PITPNC1: variants seen among roughly 807,000 people sequenced by gnomAD.
PITPNC1 encodes the protein cytoplasmic phosphatidylinositol transfer protein 1.
In PITPNC1, 18 loss-of-function variants were observed where a neutral mutation model predicts 44.7. The observed-to-expected ratio is 0.40, with a 90% confidence interval of 0.28 to 0.60. The LOEUF is 0.60. Ranked by LOEUF, PITPNC1 falls within the 20% of genes least tolerant of loss-of-function variation. PITPNC1 has a pLI of 0.39. For missense variants in PITPNC1, 290 were observed against 418.4 expected, an observed-to-expected ratio of 0.69 and a Z score of 2.68; for synonymous variants, 141 against 149.6, an observed-to-expected ratio of 0.94 and a Z score of 0.42.
At chr17:67,442,308 GA>G (rs1292310003) in intron 1 of PITPNC1, among the ~76,000 whole-genome samples, 16 of 135,114 alleles carry the variant, frequency 1.2e-4, no homozygotes, top group South Asian at 4.7e-4. Flanking sequence ...GCTCTACAAT[GA>G]AAAAAAAAGT....
At chr17:67,551,984 G>A (rs1263254507) in intron 2 of PITPNC1, among the ~76,000 whole-genome samples, 1 of 152,220 alleles carries the variant, frequency 6.6e-6, no homozygotes, top group African/African-American at 2.4e-5. Flanking sequence ...GAATTCTCAT[G>A]TCTTTGCAAA....
Position 67,632,184 on chromosome 17 carries a change from C to A in PITPNC1, c.408C>A (p.Cys136Ter). 1 of 1,613,232 alleles carries A rather than the reference C, an allele frequency of 6.2e-7. No individual in the cohort carries two copies. Among genetic ancestry groups the A allele is most frequent in the Non-Finnish European group, 8.5e-7 (1 of 1,179,292 alleles). The change falls in exon 6 of 9, where the codon TGC (cysteine) becomes TGA (stop). Residue 136 changes from cysteine to a stop codon, truncating the protein, a stop_gained. Transcript: ENST00000581322. LOFTEE classifies it high-confidence loss of function. Reference sequence around the variant, plus strand: ...CCAAAGACGTGGAGAGAGAAGTTTGCTTTATTGATATTGCCTGCGATGAAA... The same window carrying A: ...CCAAAGACGTGGAGAGAGAAGTTTGATTTATTGATATTGCCTGCGATGAAA... Reference protein sequence around the residue: ...NEAKDVEREVCFIDIACDEIP... With the variant: ...NEAKDVEREV
chr17:67,440,796 C>A (rs1016073562), intron 1 of PITPNC1, among the ~76,000 whole-genome samples: 4 of 151,864 alleles, frequency 2.6e-5, no homozygotes, highest in African/African-American at 9.7e-5. Context: ...AATCTGCCCA[C>A]CTCAGCCTCC....
intron 5 of PITPNC1, among the ~76,000 whole-genome samples, chr17:67,601,089 G>A (rs1043377700): frequency 6.6e-6 from 1 of 152,098 alleles, no homozygotes; most frequent in Non-Finnish European, 1.5e-5. Context: ...ACACAACTGG[G>A]TGGTGGGATT....
chr17:67,460,417 C>A (rs1375825180), intron 1 of PITPNC1, among the ~76,000 whole-genome samples: 1 of 151,846 alleles, frequency 6.6e-6, no homozygotes, highest in Non-Finnish European at 1.5e-5. Flanking sequence ...TCAGTGTGAC[C>A]AAAATTTTCT....
chr17:67,431,058 G>GTTTT (rs2038848852), intron 1 of PITPNC1, among the ~76,000 whole-genome samples: 11 of 95,942 alleles, frequency 1.1e-4, no homozygotes, highest in South Asian at 7.1e-4. Context: ...TTTAGTTACT[G>GTTTT]TTTCTTTTTT....
intron 1 of PITPNC1, chr17:67,379,458 G>T: frequency 1.4e-6 from 1 of 734,196 alleles, no homozygotes. Context: ...GCATCACGGG[G>T]ACACAGGCTG....
chr17:67,662,678 T>C (rs1056125013), intron 6 of PITPNC1, among the ~76,000 whole-genome samples: 16 of 152,200 alleles, frequency 1.1e-4, no homozygotes. Flanking sequence ...CATGGAATTA[T>C]ACAGTGTGGC....
chr17:67,657,109 T>C (rs1199025318), intron 6 of PITPNC1, among the ~76,000 whole-genome samples: 4 of 152,178 alleles, frequency 2.6e-5, no homozygotes, highest in South Asian at 2.1e-4. Context: ...AACTGGACTA[T>C]TTCAGATAAG....
intron 4 of PITPNC1, among the ~76,000 whole-genome samples, chr17:67,562,249 AGCCTCTGTGTAGGGT>A (rs966335968): frequency 9.2e-5 from 14 of 152,218 alleles, no homozygotes; most frequent in African/African-American, 3.1e-4. Context: ...AATGAACAGA[AGCCTCTGTGTAGGGT>A]GCGGGCTGGT....
intron 1 of PITPNC1, among the ~76,000 whole-genome samples, chr17:67,472,011 A>T (rs1234078167): frequency 6.6e-6 from 1 of 151,896 alleles, no homozygotes; most frequent in Non-Finnish European, 1.5e-5. Context: ...ATGTCCCTCA[A>T]TCTGGATTTG....
intron 5 of PITPNC1, among the ~76,000 whole-genome samples, chr17:67,620,068 T>G (rs1201435587): frequency 2.0e-5 from 3 of 152,178 alleles, no homozygotes; most frequent in Non-Finnish European, 4.4e-5. Flanking sequence ...TGTTGTTGTT[T>G]TTTGAGACAG....
chr17:67,613,460 AAAAAAGAGAAAAAT>A (rs2041715277), intron 5 of PITPNC1: 2 of 152,168 alleles, frequency 1.3e-5, no homozygotes, highest in South Asian at 4.1e-4. Context: ...AAATAACGTT[AAAAAAGAGAAAAAT>A]AAAAAGGAAA....
chr17:67,428,872 G>A (rs1319747789), intron 1 of PITPNC1, among the ~76,000 whole-genome samples: 2 of 117,214 alleles, frequency 1.7e-5, no homozygotes, highest in African/African-American at 3.3e-5. Context: ...ACGGAGTCTC[G>A]CTCTGTCACC....
intron 5 of PITPNC1, among the ~76,000 whole-genome samples, chr17:67,587,299 C>T (rs918402089): frequency 2.0e-5 from 3 of 146,560 alleles, no homozygotes; most frequent in Non-Finnish European, 4.5e-5. Flanking sequence ...CCAGCCTGGG[C>T]AACATGTTGA....
chr17:67,640,685 G>GA (rs71139165), intron 6 of PITPNC1, among the ~76,000 whole-genome samples: 43,514 of 100,590 alleles, frequency 0.43, 9,535 homozygotes, highest in Non-Finnish European at 0.52. Context: ...TGTTGAAAAA[G>GA]AAAAAAAAAA....
At chr17:67,613,793 A>C (rs935295244) in intron 5 of PITPNC1, 2 of 151,324 alleles carry the variant, frequency 1.3e-5, no homozygotes, top group African/African-American at 4.9e-5. Context: ...ACTGCACTCC[A>C]GCCTGGGCAA....
At chr17:67,577,422 T>A (rs1218479893) in intron 4 of PITPNC1, among the ~76,000 whole-genome samples, 1 of 151,768 alleles carries the variant, frequency 6.6e-6, no homozygotes, top group Non-Finnish European at 1.5e-5. Flanking sequence ...ACCCTATCTC[T>A]ACTAAAAATA....
intron 5 of PITPNC1, among the ~76,000 whole-genome samples, chr17:67,590,114 C>A (rs1335114259): frequency 6.6e-6 from 1 of 152,136 alleles, no homozygotes; most frequent in Non-Finnish European, 1.5e-5. Context: ...GGGAGTATAC[C>A]TTTTTGAATC....
Sources: allele counts gnomAD v4.1 joint callset (sites outside exome capture counted in the v4.1 genomes callset), GRCh38; gene constraint gnomAD v4.1.1; transcripts MANE v1.5; gene names NCBI Gene and HGNC (gene_info 2026-07-23, HGNC 2026-07-21).